GTF2E1: variants seen among roughly 807,000 people sequenced by gnomAD.
GTF2E1 encodes TFIIE alpha subunit.
Under a neutral mutation model 34.9 loss-of-function variants are expected in GTF2E1, and 14 were observed. The observed-to-expected ratio is 0.40, with a 90% CI of 0.27 to 0.63. GTF2E1 has a LOEUF of 0.63. Ranked by LOEUF, GTF2E1 falls within the 20% of genes least tolerant of loss-of-function variation. GTF2E1 has a pLI of 0.39. For synonymous variants in GTF2E1, 188 were observed against 192.9 expected (o/e 0.97, Z 0.21); for missense variants, 469 against 557.7 (o/e 0.84, Z 1.60).
chr3:120,769,110 C>T (rs946988998), intron 2 of GTF2E1, among the ~76,000 whole-genome samples: 8 of 151,696 alleles, frequency 5.3e-5, no homozygotes, highest in African/African-American at 1.9e-4. Flanking sequence ...CTAAACCCCT[C>T]TCTTGAGCTG....
At chr3:120,763,981 T>C (rs1165201677) in intron 2 of GTF2E1, among the ~76,000 whole-genome samples, 1 of 152,344 alleles carries the variant, frequency 6.6e-6, no homozygotes, top group East Asian at 1.9e-4. Flanking sequence ...ATTCCCATGT[T>C]CACAGCAGCC....
intron 2 of GTF2E1, among the ~76,000 whole-genome samples, chr3:120,762,107 A>G (rs970716935): frequency 2.0e-5 from 3 of 152,112 alleles, no homozygotes; most frequent in African/African-American, 7.2e-5. Flanking sequence ...ATTCTTTTAC[A>G]TTTGTTGCAG....
At chr3:120,768,188 G>A (rs1709324693) in intron 2 of GTF2E1, among the ~76,000 whole-genome samples, 1 of 152,148 alleles carries the variant, frequency 6.6e-6, no homozygotes, top group South Asian at 2.1e-4. Context: ...AAGAGGATAC[G>A]ATTGTTTGGG....
At chr3:120,779,892 T>G (rs1001166711) in intron 4 of GTF2E1, among the ~76,000 whole-genome samples, 3 of 152,248 alleles carry the variant, frequency 2.0e-5, no homozygotes, top group Non-Finnish European at 4.4e-5. Context: ...CAAACAATAC[T>G]TTTAATCTTT....
intron 4 of GTF2E1, 149 bp from the exon 5 acceptor site, chr3:120,780,894 A>C: frequency 1.7e-6 from 1 of 588,120 alleles, no homozygotes; most frequent in South Asian, 2.6e-5. Context: ...AATATTTTGA[A>C]TATTTTATGG....
intron 2 of GTF2E1, among the ~76,000 whole-genome samples, chr3:120,767,846 C>T (rs1709321893): frequency 6.6e-6 from 1 of 151,960 alleles, no homozygotes; most frequent in African/African-American, 2.4e-5. Flanking sequence ...TTATTTTTCC[C>T]CCTATTCTTT....
chr3:120,750,409 A>G, intron 1 of GTF2E1, 114 bp from the exon 2 acceptor site: 1 of 641,182 alleles, frequency 1.6e-6, no homozygotes, highest in Non-Finnish European at 2.8e-6. Context: ...TTAAATGCTT[A>G]GGTATTAGAA....
At chr3:120,743,487 T>C (rs983199174) in intron 1 of GTF2E1, among the ~76,000 whole-genome samples, 1 of 152,002 alleles carries the variant, frequency 6.6e-6, no homozygotes, top group African/African-American at 2.4e-5. Context: ...TATGGAAAGT[T>C]TTATGGAAGT....
At chr3:120,773,226 G>A (rs1051060339) in intron 3 of GTF2E1, among the ~76,000 whole-genome samples, 3 of 152,006 alleles carry the variant, frequency 2.0e-5, no homozygotes, top group Non-Finnish European at 4.4e-5. Flanking sequence ...TCCACTGCTT[G>A]GATATAACAT....
At chr3:120,754,276 A>G (rs902838081) in intron 2 of GTF2E1, among the ~76,000 whole-genome samples, 1 of 152,174 alleles carries the variant, frequency 6.6e-6, no homozygotes, top group South Asian at 2.1e-4. Flanking sequence ...TTTAAAAATT[A>G]TGCAACCATA....
chr3:120,770,266 A>G (rs1033886291), intron 2 of GTF2E1, among the ~76,000 whole-genome samples: 3 of 152,140 alleles, frequency 2.0e-5, no homozygotes, highest in African/African-American at 4.8e-5. Context: ...AATGGTTAAT[A>G]AATTTTAAAA....
At chr3:120,766,812 C>G (rs1040941884) in intron 2 of GTF2E1, among the ~76,000 whole-genome samples, 1 of 152,122 alleles carries the variant, frequency 6.6e-6, no homozygotes, top group Non-Finnish European at 1.5e-5. Context: ...CACCACCACT[C>G]TCTCAGTAGC....
intron 2 of GTF2E1, among the ~76,000 whole-genome samples, chr3:120,759,099 A>G (rs1709235342): frequency 6.6e-6 from 1 of 152,146 alleles, no homozygotes. Context: ...TGACTTTTTA[A>G]TGATTGCCAT....
chr3:120,776,000 CTGAGA>C (rs1445265279), intron 3 of GTF2E1, among the ~76,000 whole-genome samples: 1 of 152,146 alleles, frequency 6.6e-6, no homozygotes, highest in Non-Finnish European at 1.5e-5. Flanking sequence ...CTGGGTTGAG[CTGAGA>C]TAACATTTTT....
chr3:120,774,869 A>T (rs976143497), intron 3 of GTF2E1, among the ~76,000 whole-genome samples: 2 of 152,214 alleles, frequency 1.3e-5, no homozygotes, highest in Admixed American at 6.5e-5. Context: ...ATGCAAACGC[A>T]GTACCTGGAA....
intron 3 of GTF2E1, among the ~76,000 whole-genome samples, chr3:120,773,129 AATC>A (rs1298393425): frequency 6.7e-6 from 1 of 150,162 alleles, no homozygotes; most frequent in Non-Finnish European, 1.5e-5. Flanking sequence ...ACCAAAGTAA[AATC>A]ATTTCCACGT....
Position 120,773,313 on chromosome 3 carries a change from A to T in GTF2E1, c.650+2384A>T, listed in dbSNP as rs536944702. ...TGAAATGGCCCATCCTGCCCCAAGG[A>T]TGTAATAGTCCATCCTGCCTCAGTA... On this transcript the variant is annotated intron_variant, in intron 3 of 4. Coordinates refer to ENST00000283875, the MANE Select transcript of GTF2E1 (RefSeq NM_005513.3). Among the ~76,000 whole-genome samples, 13 of 152,222 alleles carry T rather than the reference A, an allele frequency of 8.5e-5. No homozygotes were observed. The East Asian group carries it at 2.5e-3, about 29-fold the overall frequency.
chr3:120,765,313 C>A (rs563392445), intron 2 of GTF2E1, among the ~76,000 whole-genome samples: 1 of 152,190 alleles, frequency 6.6e-6, no homozygotes, highest in East Asian at 1.9e-4. Flanking sequence ...TTTCTTCCCA[C>A]TTTCAATGCC....
At chr3:120,746,706 G>T (rs1048998762) in intron 1 of GTF2E1, among the ~76,000 whole-genome samples, 2 of 152,130 alleles carry the variant, frequency 1.3e-5, no homozygotes, top group Non-Finnish European at 2.9e-5. Context: ...GTTTGAGGTG[G>T]GAAGATTGCT....
Sources: allele counts gnomAD v4.1 joint callset (sites outside exome capture counted in the v4.1 genomes callset), GRCh38; gene constraint gnomAD v4.1.1; transcripts MANE v1.5; gene names NCBI Gene and HGNC (gene_info 2026-07-23, HGNC 2026-07-21).